The following DBF4B variants were observed in gnomAD, a reference collection of about 807,000 sequenced individuals.
The protein encoded by DBF4B is DBF4B-CDC7 kinase regulatory subunit.
DBF4B carries 49 observed loss-of-function variants against 53.4 expected under a neutral mutation model. The ratio of observed to expected loss-of-function variants is 0.92; its 90% CI spans 0.73 to 1.16. DBF4B has a LOEUF of 1.16. DBF4B is among the 50% of genes most tolerant of loss of function. DBF4B has a pLI of 0.00. For synonymous variants in DBF4B, 257 were observed against 288.7 expected, an observed-to-expected ratio of 0.89 and a Z score of 1.11; for missense variants, 692 against 775.0, an observed-to-expected ratio of 0.89 and a Z score of 1.27.
At chr17:44,713,789 G>A (rs1451688113) in intron 2 of DBF4B, among the ~76,000 whole-genome samples, 1 of 152,106 alleles carries the variant, frequency 6.6e-6, no homozygotes, top group African/African-American at 2.4e-5. Flanking sequence ...ATACTTTCAA[G>A]CTCATCAGAG....
intron 10 of DBF4B, 60 bp downstream of exon 10, chr17:44,741,512 G>A (rs938367018): frequency 2.4e-5 from 29 of 1,185,236 alleles, no homozygotes; most frequent in Non-Finnish European, 2.9e-5. Flanking sequence ...CCTCCCCATC[G>A]GGGGCCTGCT....
intron 8 of DBF4B, 144 bp from the exon 9 acceptor site, chr17:44,738,235 G>A (rs1975651651): frequency 6.1e-6 from 5 of 813,552 alleles, no homozygotes; most frequent in Admixed American, 2.6e-5. Flanking sequence ...AATGGAGAGC[G>A]CAGCCTGGGG....
chr17:44,720,231 A>G, intron 2 of DBF4B: 2 of 348,106 alleles, frequency 5.7e-6, no homozygotes. Context: ...ATGGCTCAAC[A>G]GCTTTAGAGG....
chr17:44,728,313 A>G (rs1408223624), intron 3 of DBF4B, among the ~76,000 whole-genome samples: 2 of 152,116 alleles, frequency 1.3e-5, no homozygotes, highest in African/African-American at 4.8e-5. Flanking sequence ...TAATTTCCAC[A>G]TGTTCTATTG....
chr17:44,733,408 C>T (rs1975037629), intron 6 of DBF4B, among the ~76,000 whole-genome samples: 1 of 152,168 alleles, frequency 6.6e-6, no homozygotes, highest in Non-Finnish European at 1.5e-5. Context: ...CTGTTTGCAG[C>T]CTGTTTACAC....
chr17:44,711,289 A>T (rs182593626), intron 2 of DBF4B, among the ~76,000 whole-genome samples: 218 of 151,872 alleles, frequency 1.4e-3, no homozygotes, highest in African/African-American at 4.9e-3. Flanking sequence ...TGGCCTCCAG[A>T]TTGATTCTTT....
intron 2 of DBF4B, among the ~76,000 whole-genome samples, chr17:44,716,305 A>G (rs1190940246): frequency 2.6e-5 from 4 of 152,064 alleles, no homozygotes; most frequent in South Asian, 2.1e-4. Context: ...GTCTTGAGCT[A>G]GTCAGTTCGC....
intron 9 of DBF4B, among the ~76,000 whole-genome samples, chr17:44,738,997 A>T (rs1975734027): frequency 6.6e-6 from 1 of 152,196 alleles, no homozygotes; most frequent in South Asian, 2.1e-4. Context: ...TAATGGGGAA[A>T]ACTGAGGTCA....
intron 10 of DBF4B, among the ~76,000 whole-genome samples, chr17:44,742,041 G>A (rs1227694785): frequency 6.6e-6 from 1 of 151,048 alleles, no homozygotes; most frequent in Non-Finnish European, 1.5e-5. Context: ...GAGGCCAGGA[G>A]TTTGAGACCA....
chr17:44,732,137 G>C (rs1974891902), intron 5 of DBF4B, 41 bp from the exon 6 acceptor site: 1 of 1,604,600 alleles, frequency 6.2e-7, no homozygotes, highest in East Asian at 2.2e-5. Context: ...TCAGGCCTTG[G>C]GGAGTCTCTG....
chr17:44,709,046 G>A (rs913950926), intron 1 of DBF4B: 15 of 767,718 alleles, frequency 2.0e-5, no homozygotes, highest in South Asian at 3.5e-5. Flanking sequence ...CAGCCTGGAG[G>A]GATGTATGGA....
intron 3 of DBF4B, among the ~76,000 whole-genome samples, chr17:44,729,289 A>G (rs1974613800): frequency 6.6e-6 from 1 of 151,344 alleles, no homozygotes; most frequent in Non-Finnish European, 1.5e-5. Flanking sequence ...GCATCACTGA[A>G]CTACTGGGCT....
chr17:44,713,357 T>C (rs1036122875), intron 2 of DBF4B, among the ~76,000 whole-genome samples: 2 of 150,756 alleles, frequency 1.3e-5, no homozygotes, highest in Non-Finnish European at 3.0e-5. Context: ...ATTTTCATTA[T>C]GTAAACATTA....
At chr17:44,739,873 C>T (rs1461301395) in intron 9 of DBF4B, among the ~76,000 whole-genome samples, 1 of 152,060 alleles carries the variant, frequency 6.6e-6, no homozygotes, top group Non-Finnish European at 1.5e-5. Flanking sequence ...CAGATTCAAG[C>T]GATTCTTCTG....
intron 13 of DBF4B, chr17:44,748,791 C>G (rs2049182400): frequency 6.1e-6 from 8 of 1,307,738 alleles, no homozygotes; most frequent in Non-Finnish European, 8.0e-6. Flanking sequence ...TAGCCCCCAA[C>G]CCCTGCGGCA....
chr17:44,737,801 T>C (rs983470824), intron 8 of DBF4B, among the ~76,000 whole-genome samples: 5 of 152,194 alleles, frequency 3.3e-5, no homozygotes, highest in African/African-American at 9.7e-5. Context: ...AGATTTTACC[T>C]GTGATATTTT....
intron 12 of DBF4B, 126 bp downstream of exon 12, chr17:44,747,641 C>G (rs2049142969): frequency 1.5e-6 from 2 of 1,296,972 alleles, no homozygotes. Flanking sequence ...TTCTCACCTT[C>G]CTTTCCCCTT....
chr17:44,738,474 G>A (rs911128898), intron 9 of DBF4B, 50 bp downstream of exon 9: 1 of 1,574,542 alleles, frequency 6.4e-7, no homozygotes, highest in Non-Finnish European at 8.7e-7. Flanking sequence ...CTGCACAGAG[G>A]AGGGAGGAGG....
At chr17:44,709,009 A>G (rs1972622252) in intron 1 of DBF4B, 170 bp downstream of exon 1, 7 of 932,876 alleles carry the variant, frequency 7.5e-6, no homozygotes, top group Non-Finnish European at 1.6e-6. Context: ...CCGAGGAATG[A>G]AGGTGGCAGA....
Sources: allele counts gnomAD v4.1 joint callset (sites outside exome capture counted in the v4.1 genomes callset), GRCh38; gene constraint gnomAD v4.1.1; transcripts MANE v1.5; gene names NCBI Gene and HGNC (gene_info 2026-07-23, HGNC 2026-07-21).